Variants in CPNE4 observed in about 807,000 individuals in gnomAD.
CPNE4 encodes copine-4.
In CPNE4, 25 loss-of-function variants were observed where a neutral mutation model predicts 67.9. That is an observed-to-expected ratio of 0.37 (90% CI 0.27 to 0.51). The LOEUF (loss-of-function observed/expected upper bound fraction) is 0.51, where lower values mean the gene tolerates loss of function less well. CPNE4 is among the 20% of genes least tolerant of loss of function. The pLI is 0.93. For missense variants in CPNE4, 464 were observed against 690.8 expected (o/e 0.67, Z 3.68); for synonymous variants, 242 against 244.9 (o/e 0.99, Z 0.11).
chr3:131,996,720 C>T (rs80175756), intron 1 of CPNE4, among the ~76,000 whole-genome samples: 245 of 152,020 alleles, frequency 1.6e-3, no homozygotes, highest in Admixed American at 5.3e-3. Flanking sequence ...AATCCTCAGG[C>T]TCATGGGATT....
chr3:131,871,539 T>C (rs2087205046), intron 2 of CPNE4, among the ~76,000 whole-genome samples: 1 of 152,160 alleles, frequency 6.6e-6, no homozygotes, highest in East Asian at 1.9e-4. Context: ...CCTGCTTCAT[T>C]GGGGAATGAA....
intron 7 of CPNE4, among the ~76,000 whole-genome samples, chr3:131,599,522 A>C (rs572230594): frequency 6.6e-5 from 10 of 152,344 alleles, no homozygotes; most frequent in Admixed American, 6.5e-4. Context: ...AACTCTTCCT[A>C]CCAGAGGGTA....
At chr3:131,819,446 A>C (rs1398771) in intron 2 of CPNE4, among the ~76,000 whole-genome samples, 4,795 of 151,778 alleles carry the variant, frequency 0.032, 180 homozygotes, top group South Asian at 0.094. Context: ...CCCAGTATGC[A>C]TTTTACAGTA....
Position 131,904,789 on chromosome 3 carries a change from G to A in CPNE4, c.180+475C>T, listed in dbSNP as rs530184387. ...CATCTACTGAGCTCATTCCATCTGA[G>A]TAGTCACTTCTCTCTCAACCCCCTA... is the stretch of plus-strand genomic sequence containing the variant. On this transcript the variant is annotated intron_variant, in intron 2 of 15. Coordinates refer to ENST00000429747, the MANE Select transcript of CPNE4 (RefSeq NM_130808.3). Among the ~76,000 whole-genome samples the A allele has an allele frequency of 4.6e-5, 7 of 152,176 alleles. No individual in the cohort carries two copies. In the South Asian group the frequency reaches 1.5e-3, roughly 32 times the overall value.
intron 2 of CPNE4, among the ~76,000 whole-genome samples, chr3:131,817,646 G>A (rs1482437342): frequency 6.6e-6 from 1 of 152,144 alleles, no homozygotes; most frequent in East Asian, 1.9e-4. Flanking sequence ...AAGATAGAGT[G>A]GCAAAGGCCA....
Position 131,920,434 on chromosome 3 carries a change from G to A in CPNE4, c.-1-14990C>T, listed in dbSNP as rs112460430. ...CTCTCACACTAATTATCACTTACATGCTATAGCTATTAGTTTACATGTCTG... is the reference window on the plus strand; with the variant it reads ...CTCTCACACTAATTATCACTTACATACTATAGCTATTAGTTTACATGTCTG... On this transcript the variant is annotated intron_variant, in intron 1 of 15. Transcript: ENST00000429747. 3.4e-3 allele frequency among the ~76,000 whole-genome samples: 516 copies of A among 152,080 alleles called. 1 individual carries two copies. Among genetic ancestry groups the A allele is most frequent in the African/African-American group, 0.012 (493 of 41,486 alleles).
At chr3:131,734,606 G>A (rs911541359) in intron 2 of CPNE4, among the ~76,000 whole-genome samples, 16 of 152,096 alleles carry the variant, frequency 1.1e-4, no homozygotes, top group African/African-American at 3.9e-4. Context: ...GACACTCTCA[G>A]GCCATGCAGT....
intron 2 of CPNE4, among the ~76,000 whole-genome samples, chr3:131,894,974 C>T (rs1202043183): frequency 3.3e-5 from 5 of 151,834 alleles, no homozygotes; most frequent in East Asian, 1.9e-4. Context: ...TGTCCAACAA[C>T]GAATGAATGG....
In CPNE4 at chr3:131,671,368, G is replaced by T. The variant is rs1440719855; in HGVS notation, c.592-1604C>A. Among the ~76,000 whole-genome samples the T allele has an allele frequency of 2.0e-5, 3 of 152,098 alleles. No individual in the cohort carries two copies. The East Asian group carries it at 5.8e-4, about 29-fold the overall frequency. Reference sequence around the variant, plus strand: ...TATGAAAATGCTAAAAAGTGAAGAAGTCTCATGCAACAGTTTTGAAAAACT... The same window carrying T: ...TATGAAAATGCTAAAAAGTGAAGAATTCTCATGCAACAGTTTTGAAAAACT... On this transcript the variant is annotated intron_variant, in intron 6 of 15. Coordinates refer to ENST00000429747, the MANE Select transcript of CPNE4 (RefSeq NM_130808.3).
chr3:131,690,498 T>C lies in CPNE4; in HGVS notation c.508-4540A>G, dbSNP rs80314792. Among the ~76,000 whole-genome samples, 4,044 of 152,264 alleles carry C rather than the reference T, an allele frequency of 0.027. 315 individuals carry two copies. The East Asian group carries it at 0.28, about 10-fold the overall frequency. ...AACTGGCTAGCAATATGCAGAAGAC[T>C]GAAACTTGACCCTTACATTTCACCA... On this transcript the variant is annotated intron_variant, in intron 5 of 15. Transcript: ENST00000429747.
At chr3:131,918,528 C>T (rs917749689) in intron 1 of CPNE4, among the ~76,000 whole-genome samples, 1 of 151,952 alleles carries the variant, frequency 6.6e-6, no homozygotes, top group East Asian at 1.9e-4. Flanking sequence ...TTAAAATAGC[C>T]ATAGACAGAC....
At chr3:131,555,581 A>G (rs1414045821) in intron 11 of CPNE4, 30 bp from the exon 12 acceptor site, 2 of 1,593,886 alleles carry the variant, frequency 1.3e-6, no homozygotes, top group African/African-American at 2.7e-5. Context: ...AAGAAAAAAC[A>G]AGAAGTTGCT....
intron 2 of CPNE4, among the ~76,000 whole-genome samples, chr3:131,810,367 G>T (rs2084476139): frequency 6.6e-6 from 1 of 151,872 alleles, no homozygotes; most frequent in South Asian, 2.1e-4. Flanking sequence ...CACACAAATA[G>T]AAAACAAAAT....
In CPNE4 at chr3:132,033,147, G is replaced by T. The variant is rs553873842; in HGVS notation, c.-2+1420C>A. On this transcript the variant is annotated intron_variant, in intron 1 of 15. Transcript: ENST00000429747. ...CGCCTGTGTATGTGTGCGCGCGGGG[G>T]CGCGCGAATGAGCAGGATTTAGTTT... Among the ~76,000 whole-genome samples the T allele has an allele frequency of 7.9e-5, 12 of 152,372 alleles. No individual in the cohort carries two copies. The South Asian group carries it at 2.1e-3, about 26-fold the overall frequency.
At chr3:131,668,055 A>G (rs1307454969) in intron 7 of CPNE4, among the ~76,000 whole-genome samples, 1 of 152,154 alleles carries the variant, frequency 6.6e-6, no homozygotes, top group African/African-American at 2.4e-5. Context: ...TTTGGCTTGA[A>G]GGTTTCCAGT....
At chr3:131,710,325 T>A (rs1007917750) in intron 3 of CPNE4, among the ~76,000 whole-genome samples, 1 of 152,166 alleles carries the variant, frequency 6.6e-6, no homozygotes, top group African/African-American at 2.4e-5. Context: ...TCCAAGAGTA[T>A]TTTGGTGGAG....
chr3:131,556,689 A>C (rs1234756796), intron 11 of CPNE4, among the ~76,000 whole-genome samples: 24 of 152,060 alleles, frequency 1.6e-4, no homozygotes, highest in Admixed American at 1.6e-3. Flanking sequence ...CTATGAAAAG[A>C]AGGGAGGATT....
chr3:131,630,141 C>T (rs148424765), intron 7 of CPNE4, among the ~76,000 whole-genome samples: 41 of 152,308 alleles, frequency 2.7e-4, no homozygotes, highest in South Asian at 4.1e-4. Context: ...TGAAATCTCA[C>T]GCTGTCCTGC....
intron 1 of CPNE4, among the ~76,000 whole-genome samples, chr3:131,911,528 A>C (rs1329244579): frequency 6.7e-6 from 1 of 149,138 alleles, no homozygotes; most frequent in East Asian, 2.0e-4. Flanking sequence ...AAACAGATTC[A>C]AGAGGCACTC....
Sources: gnomAD v4.1 joint callset for allele counts (sites outside exome capture counted in the v4.1 genomes callset) on GRCh38, gnomAD v4.1.1 for gene constraint, MANE v1.5 for transcripts, NCBI Gene and HGNC (gene_info 2026-07-23, HGNC 2026-07-21) for gene names.